Variants in CDK19 observed in about 807,000 individuals in gnomAD.
The protein encoded by CDK19 is cyclin-dependent kinase 19.
A neutral mutation model predicts 68.3 loss-of-function variants in CDK19; 20 were observed. The observed-to-expected ratio is 0.29, with a 90% confidence interval of 0.21 to 0.43. The LOEUF is 0.43. CDK19 is among the 20% of genes least tolerant of loss of function. The pLI, the probability that CDK19 is intolerant of heterozygous loss-of-function variation, is 1.00. For missense variants in CDK19, 339 were observed against 623.5 expected (o/e 0.54, Z 4.86); for synonymous variants, 221 against 222.8 (o/e 0.99, Z 0.07).
intron 12 of CDK19, among the ~76,000 whole-genome samples, chr6:110,616,231 CAT>C (rs892140800): frequency 6.6e-6 from 1 of 152,138 alleles, no homozygotes; most frequent in Non-Finnish European, 1.5e-5. Flanking sequence ...TTGAGTTAAA[CAT>C]GTAAATTATC....
At chr6:110,645,968 C>T (rs1780540987) in intron 4 of CDK19, 2 of 1,162,636 alleles carry the variant, frequency 1.7e-6, no homozygotes, top group African/African-American at 1.5e-5. Flanking sequence ...GCTTCTACAA[C>T]GAGCACATGC....
At chr6:110,627,451 A>G (rs1193680595) in intron 6 of CDK19, among the ~76,000 whole-genome samples, 5 of 152,198 alleles carry the variant, frequency 3.3e-5, no homozygotes, top group African/African-American at 7.2e-5. Flanking sequence ...TCTGATGACA[A>G]TAAATGGGGA....
chr6:110,701,006 A>C (rs1461826351), intron 2 of CDK19: 1 of 151,904 alleles, frequency 6.6e-6, no homozygotes, highest in African/African-American at 2.4e-5. Flanking sequence ...GGAGTTCGAG[A>C]CCAGCCTGGC....
At chr6:110,763,676 A>G (rs1779382635) in intron 1 of CDK19, among the ~76,000 whole-genome samples, 1 of 152,074 alleles carries the variant, frequency 6.6e-6, no homozygotes, top group Non-Finnish European at 1.5e-5. Context: ...CGGACTCCCA[A>G]AGTGCTGGGA....
chr6:110,622,230 A>G, intron 10 of CDK19, 64 bp from the exon 11 acceptor site: 1 of 1,112,324 alleles, frequency 9.0e-7, no homozygotes, highest in East Asian at 2.4e-5. Context: ...TTACCTTGTT[A>G]ATTTAAAATT....
At chr6:110,683,069 G>A (rs754169009) in intron 2 of CDK19, among the ~76,000 whole-genome samples, 7 of 151,214 alleles carry the variant, frequency 4.6e-5, no homozygotes, top group South Asian at 2.1e-4. Flanking sequence ...CCAGCTACTC[G>A]GGAGGCTGAG....
At chr6:110,729,272 AAATAT>A (rs1776570155) in intron 2 of CDK19, among the ~76,000 whole-genome samples, 1 of 152,168 alleles carries the variant, frequency 6.6e-6, no homozygotes, top group African/African-American at 2.4e-5. Context: ...AGAACTAAAT[AAATAT>A]ATGTTGATTA....
intron 2 of CDK19, among the ~76,000 whole-genome samples, chr6:110,721,780 T>C (rs758421576): frequency 6.6e-6 from 1 of 151,764 alleles, no homozygotes; most frequent in Non-Finnish European, 1.5e-5. Context: ...CTGACCAACA[T>C]GGTGAAACCT....
chr6:110,744,574 G>A (rs910304070), intron 2 of CDK19, among the ~76,000 whole-genome samples: 3 of 152,046 alleles, frequency 2.0e-5, no homozygotes, highest in Non-Finnish European at 4.4e-5. Context: ...ACTTAGAATT[G>A]TGGACCACTG....
At chr6:110,809,064 A>T (rs1044451891) in intron 1 of CDK19, among the ~76,000 whole-genome samples, 3 of 151,758 alleles carry the variant, frequency 2.0e-5, no homozygotes, top group Admixed American at 1.3e-4. Context: ...AAAAAAAAAA[A>T]ATTAGCCGGG....
chr6:110,618,745 T>C (rs2114597182), intron 12 of CDK19, among the ~76,000 whole-genome samples: 1 of 152,300 alleles, frequency 6.6e-6, no homozygotes, highest in Admixed American at 6.5e-5. Context: ...GTGGGCACAA[T>C]GACCTCATTT....
chr6:110,642,807 T>A (rs1249914243), intron 4 of CDK19, among the ~76,000 whole-genome samples: 5 of 118,500 alleles, frequency 4.2e-5, no homozygotes, highest in Admixed American at 8.9e-5. Flanking sequence ...AGGGGAGGAG[T>A]CAGGAAGGGG....
At chr6:110,652,206 A>C (rs567815396) in intron 4 of CDK19, among the ~76,000 whole-genome samples, 1 of 152,308 alleles carries the variant, frequency 6.6e-6, no homozygotes, top group East Asian at 1.9e-4. Context: ...AACAAAGGTA[A>C]GAAAACCTAG....
rs1478429252 is a variant in CDK19, at chr6:110,729,324, TG to T, written c.204+16801del. Among the ~76,000 whole-genome samples, 4 of 152,216 alleles carry T rather than the reference TG, an allele frequency of 2.6e-5. No homozygotes were observed. In the East Asian group the frequency reaches 5.8e-4, roughly 22 times the overall value. ...TACCTTCTATTGGACAAGAGGTTAC[TG>T]AAAAAAACTGTGTACTCATACTATG... is the stretch of plus-strand genomic sequence containing the variant. On this transcript the variant is annotated intron_variant, in intron 2 of 12. Coordinates refer to ENST00000368911, the MANE Select transcript of CDK19 (RefSeq NM_015076.5).
chr6:110,729,727 C>T (rs1330412660), intron 2 of CDK19, among the ~76,000 whole-genome samples: 2 of 151,684 alleles, frequency 1.3e-5, no homozygotes, highest in Admixed American at 6.6e-5. Flanking sequence ...TGAGCCACCA[C>T]GCCTAGACTT....
At chr6:110,692,558 C>A (rs1258545876) in intron 2 of CDK19, among the ~76,000 whole-genome samples, 1 of 152,098 alleles carries the variant, frequency 6.6e-6, no homozygotes, top group African/African-American at 2.4e-5. Flanking sequence ...GTTTGGAAAA[C>A]TTACCTGAGG....
chr6:110,764,952 A>AAAATAAATAAATAAATAAATAAATAAAT (rs57218365), intron 1 of CDK19, among the ~76,000 whole-genome samples: 81 of 141,094 alleles, frequency 5.7e-4, no homozygotes, highest in East Asian at 1.2e-3. Flanking sequence ...CTCCATCTCA[A>AAAATAAATAAATAAATAAATAAATAAAT]AAATAAATAA....
At chr6:110,647,838 C>T (rs997792759) in intron 4 of CDK19, among the ~76,000 whole-genome samples, 6 of 152,088 alleles carry the variant, frequency 3.9e-5, no homozygotes. Flanking sequence ...AAAAGAAAAA[C>T]TTCAGGCCAA....
At chr6:110,786,358 T>G (rs1271445886) in intron 1 of CDK19, among the ~76,000 whole-genome samples, 1 of 152,188 alleles carries the variant, frequency 6.6e-6, no homozygotes, top group Non-Finnish European at 1.5e-5. Context: ...TCACTCCATC[T>G]TTTTTTCCAT....
Sources: gnomAD v4.1 joint callset for allele counts (sites outside exome capture counted in the v4.1 genomes callset) on GRCh38, gnomAD v4.1.1 for gene constraint, MANE v1.5 for transcripts, NCBI Gene and HGNC (gene_info 2026-07-23, HGNC 2026-07-21) for gene names.